Variants in MYH2 observed in about 807,000 individuals in gnomAD.
The protein encoded by MYH2 is myosin-2.
In MYH2, 139 loss-of-function variants were observed where a neutral mutation model predicts 228.1. The observed-to-expected ratio is 0.61, with a 90% CI of 0.53 to 0.70. The LOEUF is 0.70. Among genes scored for constraint, MYH2 ranks in the 30% least tolerant of loss-of-function variants. The pLI is 0.00. For synonymous variants in MYH2, 796 were observed against 871.1 expected (o/e 0.91, Z 1.52); for missense variants, 1,809 against 2,357.5 (o/e 0.77, Z 4.82).
In MYH2 at chr17:10,523,892, A is replaced by C. The variant is rs766251591; in HGVS notation, c.5176-8T>G. 1 of 1,612,594 alleles carries C rather than the reference A, an allele frequency of 6.2e-7. No individual in the cohort carries two copies. The highest frequency in any genetic ancestry group is 2.2e-5 in the East Asian group (1 of 44,858). The stretch of plus-strand genomic sequence containing the variant: ...GTTGATCAGGCTGGTGTTCTGTTTA[A>C]AAAGAATTTGTACATTTAAAAAATT... On this transcript the variant is annotated splice_polypyrimidine_tract_variant and splice_region_variant and intron_variant, in intron 35 of 39. Transcript: ENST00000245503.
Position 10,527,963 on chromosome 17 carries a change from A to T in MYH2, c.3745-89T>A. 2.1e-6 allele frequency: 3 copies of T among 1,431,640 alleles called. No individual in the cohort carries two copies. In the Admixed American group the frequency reaches 5.3e-5, roughly 25 times the overall value. The allele number at this position is 1,431,640 out of a possible 1,614,324, so 88.7% of individuals were successfully genotyped here. ...AGTTACTGTAACTTCTCCCCAAAATAAAAAATACAATATTTATCTTAATAT... is the reference window on the plus strand; with the variant it reads ...AGTTACTGTAACTTCTCCCCAAAATTAAAAATACAATATTTATCTTAATAT... On this transcript the variant is annotated intron_variant, in intron 27 of 39. Transcript: ENST00000245503.
intron 22 of MYH2, 38 bp downstream of exon 22, chr17:10,531,595 T>A (rs745425402): frequency 3.7e-6 from 6 of 1,614,000 alleles, no homozygotes; most frequent in Non-Finnish European, 5.1e-6. Flanking sequence ...AGCACCTGCA[T>A]CCTGGTTAGT....
chr17:10,524,726 A>G lies in MYH2; in HGVS notation c.4971+31T>C. On this transcript the variant is annotated intron_variant, in intron 34 of 39. Transcript: ENST00000245503. This position sits in a 1 kb window ranked among gnomAD's most constrained non-coding sequence, Gnocchi z 4.7. ...TTCTCAGGGTTGCAGGCACCCCAAT[A>G]GTCCTGGGACCATCTCTTGGACATA... 6.2e-7 allele frequency: 1 copy of G among 1,614,216 alleles called. No individual in the cohort carries two copies. Among genetic ancestry groups the G allele is most frequent in the East Asian group, 2.2e-5 (1 of 44,882 alleles).
intron 39 of MYH2, 125 bp downstream of exon 39, chr17:10,522,965 T>G: frequency 2.8e-6 from 2 of 701,832 alleles, no homozygotes; most frequent in Non-Finnish European, 5.0e-6. Context: ...TACACAAGAA[T>G]TATTGTACAA....
chr17:10,527,156 T>C, intron 28 of MYH2, 100 bp from the exon 29 acceptor site: 2 of 1,058,418 alleles, frequency 1.9e-6, no homozygotes, highest in South Asian at 2.6e-5. Flanking sequence ...CCAAATTGAG[T>C]GCTCAGATGG....
In MYH2 at chr17:10,545,521, A is replaced by G. The variant is rs1332595795; in HGVS notation, c.349-19T>C. ...AATAGGTCTATGAGAAGGAAAAAGA[A>G]TAAGTACCCAAAGACCTTTCCTGTT... On this transcript the variant is annotated intron_variant, in intron 4 of 39. Coordinates refer to ENST00000245503, the MANE Select transcript of MYH2 (RefSeq NM_017534.6). 3.1e-6 allele frequency: 5 copies of G among 1,613,522 alleles called. No homozygotes were observed. The highest frequency in any genetic ancestry group is 1.3e-5 in the African/African-American group (1 of 74,932).
At chr17:10,531,964 G>A in intron 21 of MYH2, 76 bp from the exon 22 acceptor site, 1 of 1,563,212 alleles carries the variant, frequency 6.4e-7, no homozygotes, top group South Asian at 1.1e-5. Flanking sequence ...AGAGTTGGAG[G>A]TTCTGCTTCA....
At chr17:10,541,698 G>A (rs1242921663) in intron 10 of MYH2, among the ~76,000 whole-genome samples, 1 of 151,494 alleles carries the variant, frequency 6.6e-6, no homozygotes, top group East Asian at 1.9e-4. Flanking sequence ...TGTGGCTTGG[G>A]GGGCATCACA....
chr17:10,547,319 G>C (rs936312939), intron 4 of MYH2, among the ~76,000 whole-genome samples, 156 bp downstream of exon 4: 4 of 152,140 alleles, frequency 2.6e-5, no homozygotes, highest in Non-Finnish European at 5.9e-5. Flanking sequence ...CTGTTGAGCT[G>C]TGCTTTACGA....
intron 10 of MYH2, 76 bp from the exon 11 acceptor site, chr17:10,540,773 GA>G: frequency 7.7e-7 from 1 of 1,294,730 alleles, no homozygotes; most frequent in Non-Finnish European, 1.1e-6. Context: ...GACAAATTGT[GA>G]GGCACTATAT....
chr17:10,545,222 T>TC, intron 5 of MYH2, 124 bp downstream of exon 5: 1 of 1,572,468 alleles, frequency 6.4e-7, no homozygotes, highest in Non-Finnish European at 8.7e-7. Context: ...TTCTCCTTCA[T>TC]AAATACACCA....
At chr17:10,539,729 T>G (rs1040450743) in intron 12 of MYH2, among the ~76,000 whole-genome samples, 167 bp from the exon 13 acceptor site, 5 of 152,204 alleles carry the variant, frequency 3.3e-5, no homozygotes, top group Admixed American at 2.6e-4. Flanking sequence ...TGGGGTAGTT[T>G]GCCCTAAAGA....
At chr17:10,545,304 C>A in intron 5 of MYH2, 42 bp downstream of exon 5, 1 of 1,612,064 alleles carries the variant, frequency 6.2e-7, no homozygotes, top group South Asian at 1.1e-5. Flanking sequence ...TATGGTTCTG[C>A]TCTAAAGGTT....
intron 12 of MYH2, 79 bp downstream of exon 12, chr17:10,539,849 C>T: frequency 6.3e-7 from 1 of 1,588,516 alleles, no homozygotes; most frequent in Non-Finnish European, 8.6e-7. Context: ...TTTACCTTCC[C>T]TAGGAAAATT....
At position 10,529,834 on chromosome 17, in the gene MYH2, T is replaced by C. The variant is rs761095824; in HGVS notation, c.2938A>G (p.Lys980Glu). Reference sequence around the variant, plus strand: ...GTACTGTAGAATATGATTGATACCTTGTTTTCTGTGGCATGTTTCTCCTTC... The same window carrying C: ...GTACTGTAGAATATGATTGATACCTCGTTTTCTGTGGCATGTTTCTCCTTC... The part of the protein sequence containing the change: ...VEKEKHATEN[K>E]VKNLTEEMAG... Residue 980 changes from lysine to glutamate, a missense_variant and splice_region_variant, in exon 23 of 40, where the codon AAG becomes GAG. Physicochemically the swap from Lys to Glu is moderately conservative, Grantham distance 56. Coordinates refer to ENST00000245503, the MANE Select transcript of MYH2 (RefSeq NM_017534.6). The C allele has an allele frequency of 1.2e-6, 2 of 1,613,986 alleles. No individual in the cohort carries two copies. Among genetic ancestry groups the C allele is most frequent in the East Asian group, 4.5e-5 (2 of 44,882 alleles).
intron 27 of MYH2, 110 bp from the exon 28 acceptor site, chr17:10,527,984 A>G (rs1283020222): frequency 1.5e-6 from 2 of 1,333,004 alleles, no homozygotes. Context: ...TATTTATCTT[A>G]ATATAGAAAA....
At position 10,523,128 on chromosome 17, in the gene MYH2, C is replaced by T. The variant is rs570870305; in HGVS notation, c.5635G>A (p.Ala1879Thr). 2.5e-6 allele frequency: 4 copies of T among 1,613,934 alleles called. No homozygotes were observed. In the Admixed American group the frequency reaches 5.0e-5, roughly 20 times the overall value. Residue 1879 changes from alanine to threonine, a missense_variant, in exon 39 of 40, where the codon GCA (alanine) becomes ACA (threonine). Ala to Thr is a moderately conservative substitution (Grantham distance 58, BLOSUM62 0). This residue lies in a region of MYH2 where 278 missense variants were observed against 308.5 expected (regional missense o/e 0.90). Coordinates refer to ENST00000245503, the MANE Select transcript of MYH2 (RefSeq NM_017534.6). ...RLQDLVDKLQ[A>T]KVKSYKRQAE... ...TGTCTCTTATAAGATTTCACTTTTG[C>T]CTGAAGTTTATCTACCAAATCTTGA...
chr17:10,531,503 A>G (rs1411893427), intron 22 of MYH2, 130 bp downstream of exon 22: 10 of 1,304,624 alleles, frequency 7.7e-6, no homozygotes, highest in Non-Finnish European at 3.3e-6. Context: ...TTTTCGTGCC[A>G]TTGGAGTGTT....
rs2073311664 is a variant in MYH2 at position 10,523,615 on chromosome 17, G to T, written c.5353C>A (p.Leu1785Met). ...TCCATGTTCTTCTTCATCCGCTCCA[G>T]GTGGGCGCTGGTGTCCTGCTCCTTC... Reference protein sequence around the residue: ...LKKEQDTSAHLERMKKNMEQT... With the variant: ...LKKEQDTSAHMERMKKNMEQT... Residue 1785 changes from leucine to methionine, a missense_variant, in exon 37 of 40, where the codon CTG becomes ATG. Coordinates refer to ENST00000245503, the MANE Select transcript of MYH2 (RefSeq NM_017534.6). 6.2e-7 allele frequency: 1 copy of T among 1,614,096 alleles called. No homozygotes were observed. The highest frequency in any genetic ancestry group is 1.1e-5 in the South Asian group (1 of 91,082).
Sources: allele counts gnomAD v4.1 joint callset (sites outside exome capture counted in the v4.1 genomes callset), GRCh38; gene constraint gnomAD v4.1.1; regional missense constraint gnomAD v4.1.1; non-coding constraint Gnocchi (gnomAD v3.1); transcripts MANE v1.5; gene names NCBI Gene and HGNC (gene_info 2026-07-23, HGNC 2026-07-21).